The following ANKHD1 variants were observed in gnomAD, a reference collection of about 807,000 sequenced individuals.
The protein encoded by ANKHD1 is ankyrin repeat and KH domain-containing protein 1.
Under a neutral mutation model 230.5 loss-of-function variants are expected in ANKHD1, and 31 were observed. The ratio of observed to expected loss-of-function variants is 0.13; its 90% CI spans 0.10 to 0.18. ANKHD1 has a LOEUF of 0.18. Ranked by LOEUF, ANKHD1 falls within the 10% of genes least tolerant of loss-of-function variation. The pLI, the probability that ANKHD1 is intolerant of heterozygous loss-of-function variation, is 1.00. For missense variants in ANKHD1, 2,256 were observed against 3,071.3 expected (o/e 0.73, Z 6.27); for synonymous variants, 1,074 against 1,117.6 (o/e 0.96, Z 0.78).
chr5:140,524,644 A>G (rs978294771), intron 25 of ANKHD1, among the ~76,000 whole-genome samples: 6 of 152,160 alleles, frequency 3.9e-5, no homozygotes, highest in African/African-American at 7.2e-5. Context: ...GTCAGTAGAG[A>G]TGGGTTTAGT....
At chr5:140,479,965 T>C (rs528872939) in intron 10 of ANKHD1, among the ~76,000 whole-genome samples, 2 of 149,214 alleles carry the variant, frequency 1.3e-5, no homozygotes, top group African/African-American at 4.9e-5. Context: ...TATATACATA[T>C]ATAGATATAT....
chr5:140,408,589 A>G (rs943584381), intron 1 of ANKHD1, among the ~76,000 whole-genome samples: 10 of 152,228 alleles, frequency 6.6e-5, no homozygotes, highest in African/African-American at 2.4e-4. Flanking sequence ...CAAAAGTCAT[A>G]CAGAAATCCC....
At chr5:140,504,996 T>C (rs764501961) in intron 16 of ANKHD1, 30 bp downstream of exon 16, 31 of 1,611,694 alleles carry the variant, frequency 1.9e-5, no homozygotes, top group Middle Eastern at 1.7e-4. Context: ...TAAACTTATT[T>C]TGCACATTCT....
In ANKHD1 at chr5:140,505,092, A is replaced by C. The variant is rs749048138; in HGVS notation, c.3151-30A>C. ...TTAAATTGATAACTTCTGTTAAAAA[A>C]AATTTTAACTTATTTTTTTCTTCTC... On this transcript the variant is annotated intron_variant, in intron 16 of 33. Transcript: ENST00000360839. The C allele has an allele frequency of 3.1e-6, 5 of 1,604,722 alleles. No homozygotes were observed. In the East Asian group the frequency reaches 8.9e-5, roughly 29 times the overall value.
intron 1 of ANKHD1, among the ~76,000 whole-genome samples, chr5:140,428,533 G>T (rs900843315): frequency 1.3e-5 from 2 of 152,252 alleles, no homozygotes; most frequent in Non-Finnish European, 2.9e-5. Flanking sequence ...GCACTCGGCA[G>T]GCTGAGGCAG....
At chr5:140,429,630 A>G (rs554423990) in intron 1 of ANKHD1, among the ~76,000 whole-genome samples, 1 of 152,306 alleles carries the variant, frequency 6.6e-6, no homozygotes, top group Admixed American at 6.5e-5. Flanking sequence ...AAACAAATAT[A>G]TGTAATGTAC....
Position 140,496,515 on chromosome 5 carries a change from C to A in ANKHD1, c.2246-5C>A. On this transcript the variant is annotated splice_polypyrimidine_tract_variant and splice_region_variant and intron_variant, in intron 14 of 33. Transcript: ENST00000360839. Reference sequence around the variant, plus strand: ...CACTCTTTCAAACATTTTTCATGTGCTTAGGTACATCCAAGCAGAAGTCCA... The same window carrying A: ...CACTCTTTCAAACATTTTTCATGTGATTAGGTACATCCAAGCAGAAGTCCA... The A allele has an allele frequency of 1.7e-6, 2 of 1,169,302 alleles. No homozygotes were observed. The highest frequency in any genetic ancestry group is 1.1e-6 in the Non-Finnish European group (1 of 915,622). 72.4% of individuals were successfully genotyped at this position (1,169,302 alleles called of 1,614,324 possible).
chr5:140,463,295 G>C (rs899753455), intron 9 of ANKHD1, among the ~76,000 whole-genome samples: 1 of 152,108 alleles, frequency 6.6e-6, no homozygotes, highest in African/African-American at 2.4e-5. Flanking sequence ...AGTAAGGTTA[G>C]CTCCTAAATC....
chr5:140,405,094 T>G lies in ANKHD1; in HGVS notation c.306+2821T>G, dbSNP rs1265419359. Among the ~76,000 whole-genome samples the G allele has an allele frequency of 2.0e-5, 3 of 151,944 alleles. No individual in the cohort carries two copies. In the East Asian group the frequency reaches 5.8e-4, roughly 29 times the overall value. On this transcript the variant is annotated intron_variant, in intron 1 of 33. Transcript: ENST00000360839. ...TCCATGCCTTTTGTATTTTTGAAGC[T>G]TATTGTAGAAGTCATGTGTTGGTGA...
intron 1 of ANKHD1, among the ~76,000 whole-genome samples, chr5:140,406,417 T>G (rs1770449955): frequency 6.6e-6 from 1 of 152,040 alleles, no homozygotes; most frequent in Admixed American, 6.6e-5. Context: ...GTCTTCTACA[T>G]TTTGTGTACA....
At chr5:140,410,934 T>C (rs1444615721) in intron 1 of ANKHD1, among the ~76,000 whole-genome samples, 1 of 152,156 alleles carries the variant, frequency 6.6e-6, no homozygotes, top group East Asian at 1.9e-4. Flanking sequence ...TAAAATGTTA[T>C]ATGGCTAGTG....
chr5:140,402,111 G>A lies in ANKHD1; in HGVS notation c.144G>A (p.Gly48=), dbSNP rs779873630. The part of the protein sequence containing the change: ...GLGIRTVRLF[G]EAGPASGVGS... ...GGATCCGCACCGTGAGGCTCTTTGG[G>A]GAGGCCGGGCCAGCGTCGGGAGTCG... is the stretch of plus-strand genomic sequence containing the variant. Residue 48 remains glycine (G), a synonymous_variant, in exon 1 of 34, where the codon GGG becomes GGA. Transcript: ENST00000360839. 6.5e-7 allele frequency: 1 copy of A among 1,535,998 alleles called. No homozygotes were observed. The highest frequency in any genetic ancestry group is 8.7e-7 in the Non-Finnish European group (1 of 1,145,776).
chr5:140,437,259 T>C (rs1773520865), intron 2 of ANKHD1, among the ~76,000 whole-genome samples: 1 of 152,240 alleles, frequency 6.6e-6, no homozygotes, highest in South Asian at 2.1e-4. Flanking sequence ...ATTTTTCCAA[T>C]TTTAGCTTAT....
chr5:140,401,966 C>T lies in ANKHD1; in HGVS notation c.-2C>T. 1 of 1,567,612 alleles carries T rather than the reference C, an allele frequency of 6.4e-7. No homozygotes were observed. The highest frequency in any genetic ancestry group is 8.6e-7 in the Non-Finnish European group (1 of 1,161,488). ...CACCGTCTCCGGCTCCGGGTGCGAA[C>T]AATGCTGACTGATAGCGGAGGCGGC... On this transcript the variant is annotated 5_prime_UTR_variant, in exon 1 of 34. Transcript: ENST00000360839.
Position 140,524,052 on chromosome 5 carries a change from T to C in ANKHD1, c.4318-14T>C, listed in dbSNP as rs1231550973. ...TGCCTTATTGGTAAAATTATATACC[T>C]GCTTTATTTCCAGTCAAGAGAAGAG... On this transcript the variant is annotated splice_polypyrimidine_tract_variant and intron_variant, in intron 24 of 33. Coordinates refer to ENST00000360839, the MANE Select transcript of ANKHD1 (RefSeq NM_017747.3). The C allele has an allele frequency of 6.4e-7, 1 of 1,560,616 alleles. No homozygotes were observed. Among genetic ancestry groups the C allele is most frequent in the African/African-American group, 1.4e-5 (1 of 71,220 alleles).
intron 14 of ANKHD1, among the ~76,000 whole-genome samples, chr5:140,493,945 A>G (rs555583418): frequency 3.9e-5 from 6 of 152,348 alleles, no homozygotes; most frequent in African/African-American, 9.6e-5. Flanking sequence ...GGGTCATAAC[A>G]TAATTACTAA....
chr5:140,447,603 A>T (rs1249812072), intron 6 of ANKHD1, among the ~76,000 whole-genome samples: 1 of 152,220 alleles, frequency 6.6e-6, no homozygotes, highest in Non-Finnish European at 1.5e-5. Context: ...ACAAAATCTA[A>T]ATTAACGATT....
chr5:140,537,061 T>G, intron 30 of ANKHD1: 2 of 172,752 alleles, frequency 1.2e-5, no homozygotes, highest in Non-Finnish European at 2.4e-5. Context: ...TTTGAGCAGA[T>G]TATTTAGAGC....
At chr5:140,488,499 T>G (rs1483596189) in intron 14 of ANKHD1, among the ~76,000 whole-genome samples, 1 of 151,302 alleles carries the variant, frequency 6.6e-6, no homozygotes, top group Non-Finnish European at 1.5e-5. Context: ...GGCAGGAGAA[T>G]CGCTTGAAGC....
Sources: gnomAD v4.1 joint callset for allele counts (sites outside exome capture counted in the v4.1 genomes callset) on GRCh38, gnomAD v4.1.1 for gene constraint, MANE v1.5 for transcripts, NCBI Gene and HGNC (gene_info 2026-07-23, HGNC 2026-07-21) for gene names.